AQR: variants seen among roughly 807,000 people sequenced by gnomAD.
AQR encodes RNA helicase aquarius.
AQR carries 61 observed loss-of-function variants against 180.5 expected under a neutral mutation model. The observed-to-expected ratio is 0.34, with a 90% confidence interval of 0.28 to 0.42. The LOEUF (loss-of-function observed/expected upper bound fraction) is 0.42, where lower values mean the gene tolerates loss of function less well. Among genes scored for constraint, AQR ranks in the 10% least tolerant of loss-of-function variants. AQR has a pLI of 1.00. For missense variants in AQR, 1,281 were observed against 1,798.3 expected (o/e 0.71, Z 5.20); for synonymous variants, 551 against 588.8 (o/e 0.94, Z 0.93).
chr15:34,935,957 C>T (rs756054832), intron 9 of AQR, among the ~76,000 whole-genome samples: 3 of 152,130 alleles, frequency 2.0e-5, no homozygotes, highest in Non-Finnish European at 2.9e-5. Flanking sequence ...AATTCTGTAT[C>T]TTTATTTACG....
intron 20 of AQR, among the ~76,000 whole-genome samples, chr15:34,900,354 A>T (rs927610996): frequency 3.9e-5 from 6 of 152,238 alleles, no homozygotes; most frequent in Non-Finnish European, 8.8e-5. Flanking sequence ...CTATAAATAT[A>T]TTTATATAGT....
At chr15:34,967,305 C>T (rs1351561886) in intron 1 of AQR, among the ~76,000 whole-genome samples, 3 of 152,174 alleles carry the variant, frequency 2.0e-5, no homozygotes, top group African/African-American at 7.2e-5. Flanking sequence ...AATGTCACCT[C>T]GGAGAGAACT....
In AQR at chr15:34,900,630, G is replaced by C. The variant is rs764929428; in HGVS notation, c.2235C>G (p.Pro745=). 14 of 1,613,522 alleles carry C rather than the reference G, an allele frequency of 8.7e-6. No individual in the cohort carries two copies. Among genetic ancestry groups the C allele is most frequent in the East Asian group, 2.2e-5 (1 of 44,876 alleles). Residue 745 remains proline (P), a synonymous_variant, in exon 20 of 35, where the codon CCC becomes CCG. Coordinates refer to ENST00000156471, the MANE Select transcript of AQR (RefSeq NM_014691.3). ...CCCAGTTCTGACTTTACCTGAAAGG[G>C]GGTATTTGTAGAGCAGGGTCTTCTA... The part of the protein sequence containing the change: ...VTVEDPALQI[P]PFRITFPVRS...
Position 34,944,311 on chromosome 15 carries a change from GA to G in AQR, c.447del (p.Asp151IlefsTer9). ...ACCAAACTATTGAAGCAATGATCAA[GA>G]AAAAGTAGTAAGACTGTCTGTTCAT... ...SLHEQTVLLL[F>X]LDHCFNSLEV... is the part of the protein sequence containing the mutation. On this transcript the variant is annotated frameshift_variant, in exon 6 of 35. Transcript: ENST00000156471. LOFTEE classifies it high-confidence loss of function. The G allele has an allele frequency of 6.3e-7, 1 of 1,597,438 alleles. No homozygotes were observed. Among genetic ancestry groups the G allele is most frequent in the Non-Finnish European group, 8.5e-7 (1 of 1,174,444 alleles).
At chr15:34,963,431 T>C (rs1011003890) in intron 2 of AQR, among the ~76,000 whole-genome samples, 1 of 152,188 alleles carries the variant, frequency 6.6e-6, no homozygotes. Flanking sequence ...GTTATTACAC[T>C]ATACAACTGC....
At chr15:34,938,688 G>A in intron 9 of AQR, 49 bp downstream of exon 9, 2 of 1,170,186 alleles carry the variant, frequency 1.7e-6, no homozygotes, top group Non-Finnish European at 2.5e-6. Flanking sequence ...ATACCATAGG[G>A]GCAGCTATAT....
At position 34,920,426 on chromosome 15, in the gene AQR, G is replaced by T. The variant is rs370948332; in HGVS notation, c.1127C>A (p.Thr376Lys). 1 of 1,610,470 alleles carries T rather than the reference G, an allele frequency of 6.2e-7. No homozygotes were observed. Among genetic ancestry groups the T allele is most frequent in the East Asian group, 2.2e-5 (1 of 44,818 alleles). The part of the protein sequence containing the change: ...VKFFGPLSSN[T>K]LHQVASYLCL... The stretch of plus-strand genomic sequence containing the variant: ...GAGGTATGATGCCACCTGGTGGAGT[G>T]TGTTTGAACTGCAGAATAGAGAACA... Residue 376 changes from threonine (T) to lysine (K), a missense_variant, in exon 14 of 35, where the codon ACA becomes AAA. By Grantham distance (78) the Thr-to-Lys change is moderately conservative. This residue lies in a region of AQR where 404 missense variants were observed against 490.9 expected (regional missense o/e 0.82). Transcript: ENST00000156471.
intron 11 of AQR, 82 bp downstream of exon 11, chr15:34,932,231 ATGCCC>A: frequency 4.6e-6 from 5 of 1,096,220 alleles, no homozygotes; most frequent in Non-Finnish European, 6.9e-6. Flanking sequence ...AGTTTGTGTT[ATGCCC>A]TGATACTCCC....
chr15:34,893,659 T>C lies in AQR; in HGVS notation c.2571+4A>G. 1 of 1,466,116 alleles carries C rather than the reference T, an allele frequency of 6.8e-7. No homozygotes were observed. Among genetic ancestry groups the C allele is most frequent in the South Asian group, 1.1e-5 (1 of 87,088 alleles). 90.8% of individuals were successfully genotyped at this position (1,466,116 alleles called of 1,614,324 possible). ...CACACACACACACACACACAGTCAT[T>C]TACCTGATTGGAATGAGTAACAATT... On this transcript the variant is annotated splice_donor_region_variant and intron_variant, in intron 23 of 34. Coordinates refer to ENST00000156471, the MANE Select transcript of AQR (RefSeq NM_014691.3).
chr15:34,856,773 T>C lies in AQR; in HGVS notation c.*19A>G, dbSNP rs564263193. 2.7e-6 allele frequency: 4 copies of C among 1,493,396 alleles called. 1 individual carries two copies. The Admixed American group carries it at 9.5e-5, about 35-fold the overall frequency. 92.5% of individuals were successfully genotyped at this position (1,493,396 alleles called of 1,614,324 possible). On this transcript the variant is annotated 3_prime_UTR_variant, in exon 35 of 35. Transcript: ENST00000156471. ...ACTTTTTGACTGCCATGTCCTCCTT[T>C]AGAAGGACTACAGTTTGGCTACTTG...
At chr15:34,946,510 G>A (rs1307030266) in intron 5 of AQR, among the ~76,000 whole-genome samples, 3 of 138,934 alleles carry the variant, frequency 2.2e-5, no homozygotes, top group African/African-American at 8.1e-5. Flanking sequence ...CCGGCCAGCC[G>A]CCCCGTCCGG....
rs1468396276 is a variant in AQR at position 34,964,263 on chromosome 15, T to C, written c.103A>G (p.Ile35Val). Reference protein sequence around the residue: ...QLACKYWAPHIKKKSPFDIKV... With the variant: ...QLACKYWAPHVKKKSPFDIKV... ...ATATCAAAAGGTGATTTCTTCTTGA[T>C]GTGGGGAGCCCAGTATTTACATGCT... The change falls in exon 2 of 35, where the codon ATC (isoleucine) becomes GTC (valine). Residue 35 changes from isoleucine (I) to valine (V), a missense_variant. Physicochemically the swap from Ile to Val is conservative, Grantham distance 29. Coordinates refer to ENST00000156471, the MANE Select transcript of AQR (RefSeq NM_014691.3). 6.2e-7 allele frequency: 1 copy of C among 1,608,682 alleles called. No homozygotes were observed. The highest frequency in any genetic ancestry group is 1.7e-4 in the Middle Eastern group (1 of 6,056).
chr15:34,897,587 C>A lies in AQR; in HGVS notation c.2362G>T (p.Gly788Cys). The A allele has an allele frequency of 6.2e-7, 1 of 1,613,888 alleles. No homozygotes were observed. The highest frequency in any genetic ancestry group is 8.5e-7 in the Non-Finnish European group (1 of 1,179,936). The change falls in exon 21 of 35, where the codon GGT becomes TGT. Residue 788 changes from glycine to cysteine, a missense_variant. Around this residue, in one of 9 missense-constraint regions of AQR, gnomAD observed 112 missense variants for 128.6 expected, o/e 0.87. Coordinates refer to ENST00000156471, the MANE Select transcript of AQR (RefSeq NM_014691.3). ...IVEPHVIPNR[G>C]PYPYNQPKRN... ...TTGGGTTGATTATAAGGATAAGGAC[C>A]CCTATTAGGAATAACATGGGGCTCA...
chr15:34,931,650 T>C (rs886223048), intron 11 of AQR, among the ~76,000 whole-genome samples: 1 of 151,990 alleles, frequency 6.6e-6, no homozygotes, highest in Non-Finnish European at 1.5e-5. Flanking sequence ...CTACTAAAAA[T>C]ACAAAACATT....
intron 25 of AQR, 49 bp downstream of exon 25, chr15:34,886,477 G>C (rs776254364): frequency 1.3e-6 from 2 of 1,544,756 alleles, no homozygotes; most frequent in Non-Finnish European, 1.7e-6. Flanking sequence ...GCTTCCAACT[G>C]GGGTTCATAT....
At position 34,944,271 on chromosome 15, in the gene AQR, A is replaced by G; in HGVS notation, c.471+17T>C. On this transcript the variant is annotated intron_variant, in intron 6 of 34. Coordinates refer to ENST00000156471, the MANE Select transcript of AQR (RefSeq NM_014691.3). The stretch of plus-strand genomic sequence containing the variant: ...AAGAAAACTTGAAAATTACCCCAAA[A>G]TATAAAGTAAAAGTACCAAACTATT... 1 of 1,564,088 alleles carries G rather than the reference A, an allele frequency of 6.4e-7. No individual in the cohort carries two copies. Among genetic ancestry groups the G allele is most frequent in the Non-Finnish European group, 8.6e-7 (1 of 1,161,006 alleles).
At chr15:34,862,414 C>T (rs1001419664) in intron 33 of AQR, among the ~76,000 whole-genome samples, 1 of 152,112 alleles carries the variant, frequency 6.6e-6, no homozygotes, top group Non-Finnish European at 1.5e-5. Flanking sequence ...CCCTAAGTTT[C>T]TCCATTTGTA....
At chr15:34,902,592 G>T (rs1893348032) in intron 19 of AQR, among the ~76,000 whole-genome samples, 1 of 152,044 alleles carries the variant, frequency 6.6e-6, no homozygotes, top group Non-Finnish European at 1.5e-5. Flanking sequence ...CTTCTCTAAA[G>T]GTGTAAGTTG....
At chr15:34,893,609 A>ACGCGCGCG (rs773330522) in intron 23 of AQR, 54 bp downstream of exon 23, 2 of 381,012 alleles carry the variant, frequency 5.2e-6, no homozygotes, top group African/African-American at 1.3e-4. Flanking sequence ...GCATGCGTGC[A>ACGCGCGCG]CACACACACA....
Sources: gnomAD v4.1 joint callset for allele counts (sites outside exome capture counted in the v4.1 genomes callset) on GRCh38, gnomAD v4.1.1 for gene constraint, gnomAD v4.1.1 regional missense constraint, MANE v1.5 for transcripts, NCBI Gene and HGNC (gene_info 2026-07-23, HGNC 2026-07-21) for gene names.